NFAT5: variants seen among roughly 807,000 people sequenced by gnomAD.
The protein encoded by NFAT5 is nuclear factor of activated T-cells 5.
A neutral mutation model predicts 166.5 loss-of-function variants in NFAT5; 31 were observed. The observed-to-expected ratio is 0.19, with a 90% confidence interval of 0.14 to 0.25. The LOEUF is 0.25. Ranked by LOEUF, NFAT5 falls within the 10% of genes least tolerant of loss-of-function variation. The probability of loss-of-function intolerance (pLI) is 1.00; values close to 1 mark genes in which losing one functional copy is unlikely to be tolerated. For synonymous variants in NFAT5, 612 were observed against 639.7 expected (o/e 0.96, Z 0.65); for missense variants, 1,449 against 1,821.8 (o/e 0.80, Z 3.72).
chr16:69,569,782 A>G (rs2016327077), intron 2 of NFAT5, among the ~76,000 whole-genome samples: 1 of 152,232 alleles, frequency 6.6e-6, no homozygotes, highest in Non-Finnish European at 1.5e-5. Flanking sequence ...AAATGTTCTC[A>G]AATAAATAAT....
chr16:69,582,833 G>GT (rs1387668292), intron 2 of NFAT5, among the ~76,000 whole-genome samples: 36 of 151,810 alleles, frequency 2.4e-4, no homozygotes, highest in African/African-American at 6.5e-4. Context: ...TTGTAGGATT[G>GT]TTTCGGCTAT....
At chr16:69,621,935 C>A (rs1005242887) in intron 2 of NFAT5, among the ~76,000 whole-genome samples, 1 of 151,848 alleles carries the variant, frequency 6.6e-6, no homozygotes, top group Non-Finnish European at 1.5e-5. Context: ...TATACTCCAA[C>A]CTGGATGACA....
At chr16:69,682,438 C>CT (rs1044676193) in intron 10 of NFAT5, among the ~76,000 whole-genome samples, 1 of 150,880 alleles carries the variant, frequency 6.6e-6, no homozygotes, top group Non-Finnish European at 1.5e-5. Flanking sequence ...TGAGACCCCC[C>CT]CCCCCGCCAT....
At chr16:69,572,749 T>C (rs2016517126) in intron 2 of NFAT5, among the ~76,000 whole-genome samples, 1 of 152,162 alleles carries the variant, frequency 6.6e-6, no homozygotes, top group South Asian at 2.1e-4. Flanking sequence ...ATTTTAATGA[T>C]TTTAAAAGCA....
chr16:69,648,176 CA>C (rs758046361), intron 4 of NFAT5: 25,525 of 656,480 alleles, frequency 0.039, no homozygotes, highest in Non-Finnish European at 0.042. Flanking sequence ...AACTCCATCT[CA>C]AAAAAAAAAA....
At position 69,647,329 on chromosome 16, in the gene NFAT5, A is replaced by G. The variant is rs1251161064; in HGVS notation, c.555A>G (p.Glu185=). Residue 185 remains glutamate, a synonymous_variant, in exon 4 of 15, where the codon GAA becomes GAG. Transcript: ENST00000349945. The surrounding 1 kb of genome is among the most constrained non-coding windows in gnomAD (Gnocchi z 4.8). ...GCCAGGATGAGGGGTGTGGATTGGAATCTGAGCAGAGCTGCAGTATGTGGA... is the reference window on the plus strand; with the variant it reads ...GCCAGGATGAGGGGTGTGGATTGGAGTCTGAGCAGAGCTGCAGTATGTGGA... The part of the protein sequence containing the change: ...MSCQDEGCGL[E]SEQSCSMWME... 1 of 1,614,084 alleles carries G rather than the reference A, an allele frequency of 6.2e-7. No homozygotes were observed. The highest frequency in any genetic ancestry group is 2.2e-5 in the East Asian group (1 of 44,894).
At chr16:69,610,628 C>T (rs1397247094) in intron 2 of NFAT5, among the ~76,000 whole-genome samples, 1 of 152,122 alleles carries the variant, frequency 6.6e-6, no homozygotes, top group Non-Finnish European at 1.5e-5. Flanking sequence ...TGCCTGGGAC[C>T]CAGCTTTAGC....
At chr16:69,567,565 C>T (rs1371670348) in intron 1 of NFAT5, among the ~76,000 whole-genome samples, 1 of 152,198 alleles carries the variant, frequency 6.6e-6, no homozygotes, top group African/African-American at 2.4e-5. Flanking sequence ...CACCTTCCTA[C>T]TAGTGTATCT....
intron 2 of NFAT5, among the ~76,000 whole-genome samples, chr16:69,616,921 T>C (rs2033973622): frequency 6.7e-6 from 1 of 149,240 alleles, no homozygotes. Flanking sequence ...CCTCTTGGAC[T>C]CCATCTGAGT....
chr16:69,637,358 T>C (rs1214166841), intron 3 of NFAT5, among the ~76,000 whole-genome samples: 1 of 152,186 alleles, frequency 6.6e-6, no homozygotes, highest in Non-Finnish European at 1.5e-5. Context: ...AGTTCCAAAG[T>C]CACTTCTACA....
intron 7 of NFAT5, among the ~76,000 whole-genome samples, chr16:69,665,624 AC>A (rs2036339693): frequency 1.0e-5 from 1 of 96,088 alleles, no homozygotes; most frequent in Non-Finnish European, 2.0e-5. Context: ...GATGTGAAGG[AC>A]CTCTTCAAGG....
chr16:69,586,466 A>C (rs2032071573), intron 2 of NFAT5, among the ~76,000 whole-genome samples: 1 of 152,006 alleles, frequency 6.6e-6, no homozygotes, highest in African/African-American at 2.4e-5. Context: ...GCAGTGGTGC[A>C]ATCTTGGCTC....
chr16:69,599,002 C>T (rs2032972972), intron 2 of NFAT5, among the ~76,000 whole-genome samples: 1 of 124,680 alleles, frequency 8.0e-6, no homozygotes, highest in South Asian at 2.5e-4. Context: ...CTCTGGGCGA[C>T]AGAGTGAGAC....
In NFAT5 at chr16:69,566,365, T is replaced by C. The variant is rs1484498652; in HGVS notation, c.64T>C (p.Tyr22His). 3.2e-6 allele frequency: 5 copies of C among 1,574,508 alleles called. No homozygotes were observed. Among genetic ancestry groups the C allele is most frequent in the Non-Finnish European group, 4.3e-6 (5 of 1,150,386 alleles). The stretch of plus-strand genomic sequence containing the variant: ...AGACCTGGAATCGCCCAAGTCCCTC[T>C]ACTCGCGAGGTGAGTCAGGCTGTGG... Reference protein sequence around the residue: ...DLDLESPKSLYSRDSLKLHPS... With the variant: ...DLDLESPKSLHSRDSLKLHPS... The change falls in exon 1 of 15, where the codon TAC (tyrosine) becomes CAC (histidine). Residue 22 changes from tyrosine to histidine, a missense_variant. Transcript: ENST00000349945. This position sits in a 1 kb window ranked among gnomAD's most constrained non-coding sequence, Gnocchi z 5.7.
chr16:69,610,459 CATTT>C (rs1179615520), intron 2 of NFAT5, among the ~76,000 whole-genome samples: 5 of 152,156 alleles, frequency 3.3e-5, no homozygotes, highest in East Asian at 1.9e-4. Context: ...CTTATTCATT[CATTT>C]GTTTATTTAT....
At chr16:69,567,643 T>C (rs1047289131) in intron 1 of NFAT5, among the ~76,000 whole-genome samples, 1 of 152,206 alleles carries the variant, frequency 6.6e-6, no homozygotes, top group Non-Finnish European at 1.5e-5. Context: ...AGACTGACCA[T>C]TGATTTTGTA....
intron 11 of NFAT5, among the ~76,000 whole-genome samples, chr16:69,689,253 CAGAG>C (rs1246988097): frequency 3.3e-5 from 5 of 152,066 alleles, no homozygotes; most frequent in Non-Finnish European, 7.4e-5. Flanking sequence ...CTCCCACCAA[CAGAG>C]AGAGACCCTG....
chr16:69,571,679 G>A (rs977359699), intron 2 of NFAT5, among the ~76,000 whole-genome samples: 6 of 151,948 alleles, frequency 3.9e-5, no homozygotes, highest in African/African-American at 1.4e-4. Flanking sequence ...TTTATAGAAC[G>A]TACGTTTTCC....
chr16:69,666,378 C>T (rs1327582076), intron 7 of NFAT5, among the ~76,000 whole-genome samples: 2 of 151,782 alleles, frequency 1.3e-5, no homozygotes, highest in Non-Finnish European at 2.9e-5. Context: ...TCAGAGTGAA[C>T]AGGCAACCTA....
Sources: gnomAD v4.1 joint callset for allele counts (sites outside exome capture counted in the v4.1 genomes callset) on GRCh38, gnomAD v4.1.1 for gene constraint, Gnocchi (gnomAD v3.1) non-coding constraint, MANE v1.5 for transcripts, NCBI Gene and HGNC (gene_info 2026-07-23, HGNC 2026-07-21) for gene names.